The following MRO variants were observed in gnomAD, a reference collection of about 807,000 sequenced individuals.
MRO encodes protein maestro.
MRO carries 28 observed loss-of-function variants against 31.0 expected under a neutral mutation model. The observed-to-expected ratio is 0.90, with a 90% CI of 0.67 to 1.24. MRO has a LOEUF of 1.24. Among genes scored for constraint, MRO ranks in the 50% most tolerant of loss-of-function variants. The pLI is 0.00. For missense variants in MRO, 332 were observed against 289.2 expected (o/e 1.15, Z -1.07); for synonymous variants, 108 against 108.4 (o/e 1.00, Z 0.02).
chr18:50,806,083 C>G (rs1469825821), intron 4 of MRO, among the ~76,000 whole-genome samples: 2 of 152,048 alleles, frequency 1.3e-5, no homozygotes, highest in African/African-American at 4.8e-5. Flanking sequence ...GCCACCATGC[C>G]TGGGCAATTT....
chr18:50,805,461 A>T (rs906546506), intron 4 of MRO, 125 bp from the exon 5 acceptor site: 2 of 721,428 alleles, frequency 2.8e-6, no homozygotes, highest in Non-Finnish European at 4.5e-6. Flanking sequence ...TTTTTTCAAG[A>T]TCTGCACAAC....
At chr18:50,823,994 T>A (rs1288304937), upstream of MRO, 1 of 152,314 alleles carries the variant, frequency 6.6e-6, no homozygotes, top group Non-Finnish European at 1.5e-5. Context: ...ATATGAGAGA[T>A]CCCCCTGCTA....
At chr18:50,804,229 A>G (rs1475692769) in intron 5 of MRO, among the ~76,000 whole-genome samples, 9 of 151,462 alleles carry the variant, frequency 5.9e-5, no homozygotes, top group African/African-American at 2.2e-4. Flanking sequence ...AGGGCTCACT[A>G]GACACTAATC....
At position 50,809,366 on chromosome 18, in the gene MRO, G is replaced by A. The variant is rs376013817; in HGVS notation, c.35C>T (p.Pro12Leu). ...GGGCTGGGAAGTAGGGATGGAAAGG[G>A]GCTGGCCCAGGATTCTCCTCTGTCT... ...DQRQRRILGQ[P>L]LSIPTSQPKQ... is the part of the protein sequence containing the mutation. Residue 12 changes from proline (P) to leucine (L), a missense_variant, in exon 3 of 8, where the codon CCC becomes CTC. Pro to Leu is a moderately conservative substitution (Grantham distance 98). Transcript: ENST00000398439. The A allele has an allele frequency of 6.2e-7, 1 of 1,613,696 alleles. No individual in the cohort carries two copies.
At chr18:50,813,971 T>G (rs1419071440) in intron 2 of MRO, among the ~76,000 whole-genome samples, 1 of 152,182 alleles carries the variant, frequency 6.6e-6, no homozygotes, top group Non-Finnish European at 1.5e-5. Flanking sequence ...AACCCACACA[T>G]GTACCCCTGA....
intron 2 of MRO, among the ~76,000 whole-genome samples, chr18:50,811,595 C>T (rs532952011): frequency 6.0e-4 from 91 of 152,176 alleles, no homozygotes; most frequent in African/African-American, 2.1e-3. Context: ...TTTGTTTATC[C>T]ATTCACCTGT....
chr18:50,809,282 C>G lies in MRO; in HGVS notation c.99+20G>C, dbSNP rs781615969. 4.4e-6 allele frequency: 7 copies of G among 1,582,556 alleles called. No individual in the cohort carries two copies. The highest frequency in any genetic ancestry group is 8.7e-7 in the Non-Finnish European group (1 of 1,155,538). ...CAGCTGCTGGGAGGAGAAATTTGTT[C>G]ATAATATTTTGTGTCAGACCTTGGA... is the stretch of plus-strand genomic sequence containing the variant. On this transcript the variant is annotated intron_variant, in intron 3 of 7. Transcript: ENST00000398439.
In MRO at chr18:50,805,306, G is replaced by T; in HGVS notation, c.277C>A (p.Leu93Met). The T allele has an allele frequency of 5.0e-6, 8 of 1,613,796 alleles. No individual in the cohort carries two copies. The highest frequency in any genetic ancestry group is 6.8e-6 in the Non-Finnish European group (8 of 1,179,972). The change falls in exon 5 of 8, where the codon CTG becomes ATG. Residue 93 changes from leucine to methionine, a missense_variant. By Grantham distance (15) the Leu-to-Met change is conservative. Transcript: ENST00000398439. ...VRKYKKIVLDLLVYGLYDPVN... is the reference protein window; with the variant it reads ...VRKYKKIVLDMLVYGLYDPVN... ...GGGTCATACAGTCCATACACCAGCAGGTCGAGGACAATTTTCTTATACTTT... is the reference window on the plus strand; with the variant it reads ...GGGTCATACAGTCCATACACCAGCATGTCGAGGACAATTTTCTTATACTTT...
At chr18:50,809,518 C>A in intron 2 of MRO, 114 bp from the exon 3 acceptor site, 1 of 651,820 alleles carries the variant, frequency 1.5e-6, no homozygotes. Context: ...AATCCTGAGG[C>A]CTGTCTTTAG....
At chr18:50,806,547 C>T (rs1396859732) in intron 4 of MRO, among the ~76,000 whole-genome samples, 157 bp downstream of exon 4, 5 of 152,274 alleles carry the variant, frequency 3.3e-5, no homozygotes, top group African/African-American at 9.6e-5. Context: ...CCGAGATAAT[C>T]AACACGTGTT....
intron 5 of MRO, among the ~76,000 whole-genome samples, 177 bp from the exon 6 acceptor site, chr18:50,801,681 T>C (rs1317537092): frequency 6.6e-6 from 1 of 152,064 alleles, no homozygotes; most frequent in Admixed American, 6.5e-5. Context: ...TCTAAAGCAC[T>C]TAGCTGGGTG....
chr18:50,804,510 C>T (rs1053097530), intron 5 of MRO, among the ~76,000 whole-genome samples: 41 of 152,156 alleles, frequency 2.7e-4, no homozygotes, highest in African/African-American at 9.9e-4. Flanking sequence ...CCTATAGTCC[C>T]AGCTACTTGG....
At chr18:50,801,796 A>G (rs562041379) in intron 5 of MRO, among the ~76,000 whole-genome samples, 158 of 152,238 alleles carry the variant, frequency 1.0e-3, no homozygotes, top group African/African-American at 3.6e-3. Context: ...ACCTTCCCAG[A>G]TTTTTTGTTC....
intron 3 of MRO, among the ~76,000 whole-genome samples, chr18:50,807,711 G>T (rs1914083027): frequency 1.3e-5 from 2 of 152,226 alleles, no homozygotes; most frequent in African/African-American, 4.8e-5. Context: ...GCATGCATCT[G>T]AGCATGCAGT....
chr18:50,817,576 G>A lies in MRO; in HGVS notation c.-5+2005C>T, dbSNP rs532976087. Among the ~76,000 whole-genome samples the A allele has an allele frequency of 1.2e-4, 15 of 124,538 alleles. No individual in the cohort carries two copies. In the East Asian group the frequency reaches 2.4e-3, roughly 20 times the overall value. The allele number at this position is 124,538 out of a possible 152,430, so 81.7% of individuals were successfully genotyped here. On this transcript the variant is annotated intron_variant, in intron 2 of 7. Transcript: ENST00000398439. ...TTGGATCTGAATCTCAGGGAGTGTCGGGCCTGAGCATTGCACTTTTTGTAT... is the reference window on the plus strand; with the variant it reads ...TTGGATCTGAATCTCAGGGAGTGTCAGGCCTGAGCATTGCACTTTTTGTAT...
At chr18:50,817,623 C>T (rs770531622) in intron 2 of MRO, among the ~76,000 whole-genome samples, 3 of 116,996 alleles carry the variant, frequency 2.6e-5, no homozygotes, top group Non-Finnish European at 3.9e-5. Context: ...TGATGCTACA[C>T]GCCTGTTGGT....
At chr18:50,803,825 G>A (rs574344267) in intron 5 of MRO, among the ~76,000 whole-genome samples, 11 of 152,368 alleles carry the variant, frequency 7.2e-5, no homozygotes, top group Admixed American at 2.6e-4. Flanking sequence ...GAATTAGGGC[G>A]TGGGGAGATG....
intron 6 of MRO, among the ~76,000 whole-genome samples, 170 bp downstream of exon 6, chr18:50,801,179 A>G (rs148928399): frequency 3.6e-4 from 55 of 152,282 alleles, no homozygotes; most frequent in African/African-American, 1.2e-3. Flanking sequence ...CTCTTGCTCA[A>G]AGAGAGATTA....
At chr18:50,808,934 G>A (rs544722981) in intron 3 of MRO, among the ~76,000 whole-genome samples, 3 of 150,716 alleles carry the variant, frequency 2.0e-5, no homozygotes, top group South Asian at 4.2e-4. Context: ...TCAGGAGATC[G>A]AGACCATCCT....
Sources: allele counts gnomAD v4.1 joint callset (sites outside exome capture counted in the v4.1 genomes callset), GRCh38; gene constraint gnomAD v4.1.1; transcripts MANE v1.5; gene names NCBI Gene and HGNC (gene_info 2026-07-23, HGNC 2026-07-21).